The following CERS5 variants were observed in gnomAD, a reference collection of about 807,000 sequenced individuals.
CERS5 encodes LAG1 homolog, ceramide synthase 5.
In CERS5, 37 loss-of-function variants were observed where a neutral mutation model predicts 58.9. The observed-to-expected ratio is 0.63, with a 90% CI of 0.48 to 0.83. The LOEUF is 0.83. Ranked by LOEUF, CERS5 falls within the 40% of genes least tolerant of loss-of-function variation. The pLI, the probability that CERS5 is intolerant of heterozygous loss-of-function variation, is 0.00. For missense variants in CERS5, 398 were observed against 489.3 expected (o/e 0.81, Z 1.76); for synonymous variants, 147 against 177.8 (o/e 0.83, Z 1.38).
chr12:50,137,823 G>A lies in CERS5; in HGVS notation c.544-3C>T. The A allele has an allele frequency of 6.3e-7, 1 of 1,582,324 alleles. No individual in the cohort carries two copies. The highest frequency in any genetic ancestry group is 8.7e-7 in the Non-Finnish European group (1 of 1,152,630). On this transcript the variant is annotated splice_region_variant and splice_polypyrimidine_tract_variant and intron_variant, in intron 5 of 9. Coordinates refer to ENST00000317551, the MANE Select transcript of CERS5 (RefSeq NM_147190.5). ...TGATAAAGCCCACTTGAAAGAGGCT[G>A]GAAGAGAGAAAGAAGTAGTTAGATT...
Position 50,130,429 on chromosome 12 carries a change from C to T in CERS5, c.*116G>A, listed in dbSNP as rs987103165. ...TGAAAATATTTGCTTCTTTGATACT[C>T]CTCAGTGCCTTGCAGTCTCCCAATC... On this transcript the variant is annotated 3_prime_UTR_variant, in exon 10 of 10. Coordinates refer to ENST00000317551, the MANE Select transcript of CERS5 (RefSeq NM_147190.5). 2.4e-5 allele frequency: 23 copies of T among 954,196 alleles called. No homozygotes were observed. Among genetic ancestry groups the T allele is most frequent in the Non-Finnish European group, 3.4e-5 (23 of 668,092 alleles). The allele number at this position is 954,196 out of a possible 1,614,324, so 59.1% of individuals were successfully genotyped here.
intron 1 of CERS5, among the ~76,000 whole-genome samples, chr12:50,150,803 A>C (rs149543097): frequency 1.4e-4 from 21 of 152,314 alleles, no homozygotes; most frequent in African/African-American, 4.3e-4. Context: ...AGTAAAATAA[A>C]GACTCTAAAA....
intron 8 of CERS5, 83 bp downstream of exon 8, chr12:50,135,649 A>C: frequency 9.7e-7 from 1 of 1,028,916 alleles, no homozygotes; most frequent in Non-Finnish European, 1.5e-6. Context: ...ATAGAACAGA[A>C]AAACTGAATG....
rs397958643 is a variant in CERS5, at chr12:50,147,407, CA to C, written c.198-3351del. 683 of 109,722 alleles carry C rather than the reference CA, an allele frequency of 6.2e-3. 1 individual carries two copies. The highest frequency in any genetic ancestry group is 0.011 in the Admixed American group (102 of 9,690). 6.8% of individuals were successfully genotyped at this position (109,722 alleles called of 1,614,324 possible). On this transcript the variant is annotated intron_variant, in intron 1 of 9. Transcript: ENST00000317551. Reference sequence around the variant, plus strand: ...GGGTAACAGAGCGAGACTCCATCTCCAAAAAAAAAAAAAAAAAAAATAGGTA... The same window carrying C: ...GGGTAACAGAGCGAGACTCCATCTCCAAAAAAAAAAAAAAAAAAATAGGTA...
At chr12:50,161,797 A>AG (rs1263239116) in intron 1 of CERS5, among the ~76,000 whole-genome samples, 3 of 149,896 alleles carry the variant, frequency 2.0e-5, no homozygotes, top group African/African-American at 7.3e-5. Flanking sequence ...AAAAAAAAAA[A>AG]AAAGCAAAGT....
rs1164324000 is a variant in CERS5 at position 50,143,936 on chromosome 12, T to G, written c.303+16A>C. On this transcript the variant is annotated intron_variant, in intron 2 of 9. Transcript: ENST00000317551. ...GCCTTATGTGAATATTCCTCTCTGT[T>G]TCTTTGCCCACTTACCTTGGTAATA... 1 of 1,488,278 alleles carries G rather than the reference T, an allele frequency of 6.7e-7. No individual in the cohort carries two copies. Among genetic ancestry groups the G allele is most frequent in the East Asian group, 2.3e-5 (1 of 44,260 alleles). The allele number at this position is 1,488,278 out of a possible 1,614,324, so 92.2% of individuals were successfully genotyped here. A position where few individuals can be genotyped will look rare whatever the true frequency, so the allele number is the denominator to read the frequency against.
At position 50,130,508 on chromosome 12, in the gene CERS5, C is replaced by CAAG; in HGVS notation, c.*34_*36dup. The CAAG allele has an allele frequency of 2.0e-6, 3 of 1,517,318 alleles. No homozygotes were observed. The highest frequency in any genetic ancestry group is 2.7e-6 in the Non-Finnish European group (3 of 1,116,578). 94.0% of individuals were successfully genotyped at this position (1,517,318 alleles called of 1,614,324 possible). A position where few individuals can be genotyped will look rare whatever the true frequency, so the allele number is the denominator to read the frequency against. Reference sequence around the variant, plus strand: ...GAGGAGTATGTTGCCAGTGGCCCTACAAGTCCATGTGTGCTGAAGTCCCTA... The same window carrying CAAG: ...GAGGAGTATGTTGCCAGTGGCCCTACAAGAAGTCCATGTGTGCTGAAGTCCCTA... On this transcript the variant is annotated 3_prime_UTR_variant, in exon 10 of 10. Coordinates refer to ENST00000317551, the MANE Select transcript of CERS5 (RefSeq NM_147190.5).
chr12:50,137,909 C>T lies in CERS5; in HGVS notation c.544-89G>A, dbSNP rs1421460977. The T allele has an allele frequency of 3.0e-5, 24 of 791,062 alleles. 1 individual carries two copies. In the South Asian group the frequency reaches 3.3e-4, roughly 11 times the overall value. The allele number at this position is 791,062 out of a possible 1,614,324, so 49.0% of individuals were successfully genotyped here. ...TTTCTCTGCCTTGGAGGACCAATACCCCAAATTATTAGACATCTCTCCTCC... is the reference window on the plus strand; with the variant it reads ...TTTCTCTGCCTTGGAGGACCAATACTCCAAATTATTAGACATCTCTCCTCC... On this transcript the variant is annotated intron_variant, in intron 5 of 9. Transcript: ENST00000317551.
chr12:50,131,894 T>A (rs1267607821), intron 9 of CERS5, among the ~76,000 whole-genome samples: 1 of 151,724 alleles, frequency 6.6e-6, no homozygotes. Flanking sequence ...CCCAAGAGTT[T>A]GAGACCAGCC....
At position 50,134,409 on chromosome 12, in the gene CERS5, G is replaced by A. The variant is rs111663466; in HGVS notation, c.1029+137C>T. ...AAGGCAAAACACTTACCGAAGAGGCGAAGACTTTGGAGCCCTAGGCTTTTT... is the reference window on the plus strand; with the variant it reads ...AAGGCAAAACACTTACCGAAGAGGCAAAGACTTTGGAGCCCTAGGCTTTTT... On this transcript the variant is annotated intron_variant, in intron 9 of 9. Coordinates refer to ENST00000317551, the MANE Select transcript of CERS5 (RefSeq NM_147190.5). 6,094 of 1,598,620 alleles carry A rather than the reference G, an allele frequency of 3.8e-3. 30 individuals carry two copies. Among genetic ancestry groups the A allele is most frequent in the Middle Eastern group, 0.018 (109 of 6,018 alleles).
intron 9 of CERS5, chr12:50,133,058 A>C (rs1040146879): frequency 7.8e-7 from 1 of 1,288,610 alleles, no homozygotes; most frequent in African/African-American, 1.5e-5. Context: ...CTTCCTGGAC[A>C]GGTCACCTAG....
chr12:50,160,915 T>C (rs1471217903), intron 1 of CERS5, among the ~76,000 whole-genome samples: 1 of 152,108 alleles, frequency 6.6e-6, no homozygotes, highest in Non-Finnish European at 1.5e-5. Flanking sequence ...AAAGAGAAGC[T>C]GTAGAAAAGT....
chr12:50,145,755 A>T (rs1228878287), intron 1 of CERS5, among the ~76,000 whole-genome samples: 2 of 152,208 alleles, frequency 1.3e-5, no homozygotes, highest in African/African-American at 4.8e-5. Context: ...TATACCAATA[A>T]TATTTAACCC....
chr12:50,162,347 G>C (rs573975569), intron 1 of CERS5, among the ~76,000 whole-genome samples: 1 of 152,174 alleles, frequency 6.6e-6, no homozygotes, highest in African/African-American at 2.4e-5. Context: ...AAAGAGAACT[G>C]GGCTGGGGAA....
At chr12:50,144,092 TA>T (rs765994686) in intron 1 of CERS5, 35 bp from the exon 2 acceptor site, 1 of 1,256,372 alleles carries the variant, frequency 8.0e-7, no homozygotes, top group Non-Finnish European at 1.2e-6. Context: ...CAATTCTTTT[TA>T]AAAAAATTTT....
chr12:50,136,135 C>A, intron 6 of CERS5, 66 bp from the exon 7 acceptor site: 2 of 1,382,844 alleles, frequency 1.4e-6, no homozygotes, highest in South Asian at 3.4e-5. Flanking sequence ...GCCAACCCAA[C>A]GTCCTGCATT....
At chr12:50,158,212 T>TA (rs769794283) in intron 1 of CERS5, among the ~76,000 whole-genome samples, 3 of 152,178 alleles carry the variant, frequency 2.0e-5, no homozygotes, top group Non-Finnish European at 4.4e-5. Flanking sequence ...AGTGGTAGGA[T>TA]AAACCCACTT....
chr12:50,135,630 T>C (rs751256497), intron 8 of CERS5, 102 bp downstream of exon 8: 5 of 895,270 alleles, frequency 5.6e-6, no homozygotes, highest in South Asian at 1.3e-5. Context: ...TTGGCGAAAG[T>C]AGAATAGAAT....
chr12:50,145,977 C>G (rs550346857), intron 1 of CERS5, among the ~76,000 whole-genome samples: 4 of 152,254 alleles, frequency 2.6e-5, no homozygotes, highest in African/African-American at 9.6e-5. Context: ...GATGCCATAT[C>G]AGAGATAAAA....
Sources: allele counts gnomAD v4.1 joint callset (sites outside exome capture counted in the v4.1 genomes callset), GRCh38; gene constraint gnomAD v4.1.1; transcripts MANE v1.5; gene names NCBI Gene and HGNC (gene_info 2026-07-23, HGNC 2026-07-21).